The following GRIA1 variants were observed in gnomAD, a reference collection of about 807,000 sequenced individuals.
GRIA1 encodes the protein glutamate ionotropic receptor AMPA type subunit 1.
GRIA1 carries 31 observed loss-of-function variants against 99.2 expected under a neutral mutation model. That is an observed-to-expected ratio of 0.31 (90% confidence interval 0.23 to 0.42). GRIA1 has a LOEUF of 0.42. Ranked by LOEUF, GRIA1 falls within the 10% of genes least tolerant of loss-of-function variation. The probability of loss-of-function intolerance (pLI) is 1.00; values close to 1 mark genes in which losing one functional copy is unlikely to be tolerated. For missense variants in GRIA1, 782 were observed against 1,157.5 expected (o/e 0.68, Z 4.71); for synonymous variants, 438 against 432.4 (o/e 1.01, Z -0.16).
chr5:153,647,216 T>G (rs937425497), intron 3 of GRIA1, 49 bp downstream of exon 3: 1 of 1,594,110 alleles, frequency 6.3e-7, no homozygotes, highest in African/African-American at 1.3e-5. Flanking sequence ...GGAGAGAAAA[T>G]TACCAGCAGA....
chr5:153,705,347 T>G (rs984072926), intron 10 of GRIA1, among the ~76,000 whole-genome samples: 1 of 152,042 alleles, frequency 6.6e-6, no homozygotes, highest in South Asian at 2.1e-4. Flanking sequence ...ACCTGCAGGA[T>G]TGAGAGTGGG....
intron 2 of GRIA1, among the ~76,000 whole-genome samples, chr5:153,614,271 G>A (rs1041190893): frequency 6.6e-6 from 1 of 152,132 alleles, no homozygotes; most frequent in Non-Finnish European, 1.5e-5. Context: ...GCCCTATAAG[G>A]ACAAAGACCA....
At chr5:153,525,758 C>A (rs1306764668) in intron 2 of GRIA1, among the ~76,000 whole-genome samples, 4 of 152,150 alleles carry the variant, frequency 2.6e-5, no homozygotes, top group Admixed American at 1.3e-4. Context: ...CAAACCACAA[C>A]CCTCTCTCCT....
In GRIA1 at chr5:153,672,592, C is replaced by T. The variant is rs531277209; in HGVS notation, c.700-1908C>T. On this transcript the variant is annotated intron_variant, in intron 5 of 15. Transcript: ENST00000285900. ...TATAAAAATAGAAACAATAAAAAAT[C>T]GCAGAACTTTAGAGGCATAGGGGTG... Among the ~76,000 whole-genome samples the T allele has an allele frequency of 2.7e-4, 40 of 150,934 alleles. 1 individual carries two copies. The highest frequency in any genetic ancestry group is 7.3e-4 in the African/African-American group (30 of 40,926).
intron 2 of GRIA1, among the ~76,000 whole-genome samples, chr5:153,611,946 G>C (rs2149410311): frequency 6.6e-6 from 1 of 152,332 alleles, no homozygotes; most frequent in Middle Eastern, 3.4e-3. Context: ...ATGTAGGTTT[G>C]TAATCATGAC....
At chr5:153,743,720 T>A (rs896562132) in intron 11 of GRIA1, among the ~76,000 whole-genome samples, 1 of 152,222 alleles carries the variant, frequency 6.6e-6, no homozygotes, top group African/African-American at 2.4e-5. Context: ...ATAATGTTCC[T>A]GTCTTAAGTT....
chr5:153,788,352 T>A (rs1765100454), intron 13 of GRIA1, among the ~76,000 whole-genome samples: 1 of 152,178 alleles, frequency 6.6e-6, no homozygotes, highest in Admixed American at 6.5e-5. Flanking sequence ...GCTTCCATGT[T>A]TCCCCACTTG....
chr5:153,672,228 C>T (rs571339370), intron 5 of GRIA1, among the ~76,000 whole-genome samples: 1 of 152,316 alleles, frequency 6.6e-6, no homozygotes, highest in Admixed American at 6.5e-5. Context: ...TATCTACTGA[C>T]TCTTCATCTG....
At chr5:153,803,674 A>G (rs1766205006) in intron 15 of GRIA1, among the ~76,000 whole-genome samples, 1 of 152,188 alleles carries the variant, frequency 6.6e-6, no homozygotes, top group Non-Finnish European at 1.5e-5. Context: ...ATGCTGACCT[A>G]TACTGTTACC....
chr5:153,587,128 A>G (rs1763558428), intron 2 of GRIA1, among the ~76,000 whole-genome samples: 1 of 152,128 alleles, frequency 6.6e-6, no homozygotes, highest in Non-Finnish European at 1.5e-5. Flanking sequence ...TGTAATCCCC[A>G]ATGCTGAAGG....
chr5:153,497,007 G>GCTGT (rs1469300233), intron 2 of GRIA1, among the ~76,000 whole-genome samples: 1 of 152,120 alleles, frequency 6.6e-6, no homozygotes, highest in Non-Finnish European at 1.5e-5. Context: ...GTTCATGCTA[G>GCTGT]ACATGTTAGC....
At chr5:153,577,742 C>T (rs1489488985) in intron 2 of GRIA1, among the ~76,000 whole-genome samples, 1 of 152,186 alleles carries the variant, frequency 6.6e-6, no homozygotes, top group Non-Finnish European at 1.5e-5. Context: ...CTTTGCCAGA[C>T]AGTGAGAACA....
chr5:153,552,959 C>G (rs1760284878), intron 2 of GRIA1, among the ~76,000 whole-genome samples: 4 of 152,154 alleles, frequency 2.6e-5, no homozygotes, highest in Admixed American at 2.6e-4. Context: ...GAAACAGGGT[C>G]TTGCTATGTT....
intron 11 of GRIA1, among the ~76,000 whole-genome samples, chr5:153,757,330 G>A (rs1762897553): frequency 6.6e-6 from 1 of 152,108 alleles, no homozygotes; most frequent in Non-Finnish European, 1.5e-5. Flanking sequence ...AAATATTTGG[G>A]TCATTGAAGT....
Position 153,804,728 on chromosome 5 carries a change from AATTAATTTATTT to A in GRIA1, c.2520+2242_2520+2253del, listed in dbSNP as rs1384889195. Among the ~76,000 whole-genome samples, 648 of 136,178 alleles carry A rather than the reference AATTAATTTATTT, an allele frequency of 4.8e-3. 8 individuals carry two copies. Among genetic ancestry groups the A allele is most frequent in the African/African-American group, 0.016 (581 of 36,916 alleles). 89.3% of individuals were successfully genotyped at this position (136,178 alleles called of 152,430 possible). A position where few individuals can be genotyped will look rare whatever the true frequency, so the allele number is the denominator to read the frequency against. ...TCTGATCCTTATTAATTAATTAATT[AATTAATTTATTT>A]ATTTATTTATTTATTTATTTATTTA... On this transcript the variant is annotated intron_variant, in intron 15 of 15. Transcript: ENST00000285900.
At chr5:153,665,456 C>T (rs1755677382) in intron 5 of GRIA1, among the ~76,000 whole-genome samples, 3 of 152,152 alleles carry the variant, frequency 2.0e-5, no homozygotes, top group Admixed American at 2.0e-4. Flanking sequence ...TAGAGGGAAC[C>T]AGACTACCCT....
At chr5:153,557,921 T>C (rs1760796799) in intron 2 of GRIA1, 1 of 152,206 alleles carries the variant, frequency 6.6e-6, no homozygotes, top group African/African-American at 2.4e-5. Context: ...GCTACCTTTT[T>C]TTATAAGTAG....
chr5:153,562,567 T>C (rs936406567), intron 2 of GRIA1, among the ~76,000 whole-genome samples: 1 of 152,202 alleles, frequency 6.6e-6, no homozygotes, highest in Admixed American at 6.5e-5. Flanking sequence ...TTGTAGTCCA[T>C]AGGATTCTCA....
At chr5:153,697,433 C>A (rs759608113) in intron 8 of GRIA1, among the ~76,000 whole-genome samples, 2 of 152,090 alleles carry the variant, frequency 1.3e-5, no homozygotes, top group African/African-American at 2.4e-5. Flanking sequence ...GTATAAATAA[C>A]CTACTCAAAT....
Sources: allele counts gnomAD v4.1 joint callset (sites outside exome capture counted in the v4.1 genomes callset), GRCh38; gene constraint gnomAD v4.1.1; transcripts MANE v1.5; gene names NCBI Gene and HGNC (gene_info 2026-07-23, HGNC 2026-07-21).